The following FRMPD4 variants were observed in gnomAD, a reference collection of about 807,000 sequenced individuals.
FRMPD4 encodes the protein FERM and PDZ domain containing 4.
Under a neutral mutation model 94.1 loss-of-function variants are expected in FRMPD4, and 22 were observed. That is an observed-to-expected ratio of 0.23 (90% CI 0.17 to 0.33). FRMPD4 has a LOEUF of 0.33. FRMPD4 is among the 10% of genes least tolerant of loss of function. The probability of loss-of-function intolerance (pLI) is 1.00; values close to 1 mark genes in which losing one functional copy is unlikely to be tolerated. For missense variants in FRMPD4, 1,111 were observed against 1,339.9 expected, an observed-to-expected ratio of 0.83 and a Z score of 2.67; for synonymous variants, 631 against 548.6, an observed-to-expected ratio of 1.15 and a Z score of -2.10.
At chrX:12,285,967 A>G (rs1008478798) in intron 1 of FRMPD4, among the ~76,000 whole-genome samples, 4 of 112,229 alleles carry the variant, frequency 3.6e-5, no homozygotes, top group African/African-American at 1.3e-4. Flanking sequence ...AGATAAGCAC[A>G]TAGGGAATTT....
intron 1 of FRMPD4, among the ~76,000 whole-genome samples, chrX:12,470,505 T>C (rs184857137): frequency 2.8e-4 from 31 of 112,051 alleles, no homozygotes; most frequent in African/African-American, 9.7e-4. Flanking sequence ...ATTAACTAGA[T>C]AGCTATGATG....
intron 2 of FRMPD4, among the ~76,000 whole-genome samples, chrX:12,587,986 GTTTT>G (rs1321487364): frequency 1.8e-5 from 2 of 111,615 alleles, no homozygotes; most frequent in African/African-American, 6.5e-5. Context: ...AAGATAATTG[GTTTT>G]TTGTTTGTTT....
intron 14 of FRMPD4, 57 bp from the exon 15 acceptor site, chrX:12,716,012 C>CCCCCCCCCAA: frequency 2.8e-6 from 1 of 355,837 alleles, no homozygotes; most frequent in Admixed American, 4.3e-5. Context: ...CCCACCCCCG[C>CCCCCCCCCAA]CCCACCCAAA....
At chrX:12,098,954 C>G (rs1471905763) in intron 3 of FRMPD4, among the ~76,000 whole-genome samples, 1 of 106,533 alleles carries the variant, frequency 9.4e-6, no homozygotes, top group Non-Finnish European at 1.9e-5. Flanking sequence ...GAGGTGAAAG[C>G]TGGGCTGTAT....
In FRMPD4 at chrX:12,560,926, C is replaced by T. The variant is rs982425427; in HGVS notation, c.159-48795C>T. Among the ~76,000 whole-genome samples the T allele has an allele frequency of 3.0e-5, 3 of 98,980 alleles. No individual in the cohort carries two copies. The South Asian group carries it at 1.5e-3, about 51-fold the overall frequency. 86.0% of individuals were successfully genotyped at this position (98,980 alleles called of 115,157 possible). A position where few individuals can be genotyped will look rare whatever the true frequency, so the allele number is the denominator to read the frequency against. On this transcript the variant is annotated intron_variant, in intron 2 of 16. Coordinates refer to ENST00000675598, the MANE Select transcript of FRMPD4 (RefSeq NM_001368397.1). ...CTGGGACTACAGGCGCCCGCCACTACGCCCGGCTAATTTTTTGTATTTTTA... is the reference window on the plus strand; with the variant it reads ...CTGGGACTACAGGCGCCCGCCACTATGCCCGGCTAATTTTTTGTATTTTTA...
At chrX:11,825,913 C>T (rs143501138) in intron 1 of FRMPD4, among the ~76,000 whole-genome samples, 1 of 112,154 alleles carries the variant, frequency 8.9e-6, no homozygotes, top group Non-Finnish European at 1.9e-5. Flanking sequence ...TTTATTGTCA[C>T]CTTTACCTCA....
chrX:12,367,347 C>T (rs1338703552), intron 1 of FRMPD4, among the ~76,000 whole-genome samples: 5 of 112,443 alleles, frequency 4.4e-5, no homozygotes, highest in African/African-American at 1.3e-4. Flanking sequence ...GCACATATAG[C>T]ACTGCAGCAT....
At chrX:11,905,573 T>C (rs1390978540) in intron 3 of FRMPD4, among the ~76,000 whole-genome samples, 1 of 111,823 alleles carries the variant, frequency 8.9e-6, no homozygotes, top group Non-Finnish European at 1.9e-5. Flanking sequence ...GAAACAAGCA[T>C]AGCCTATTAG....
At chrX:11,838,224 A>T (rs1259500512) in intron 1 of FRMPD4, among the ~76,000 whole-genome samples, 1 of 111,354 alleles carries the variant, frequency 9.0e-6, no homozygotes, top group Non-Finnish European at 1.9e-5. Context: ...ATGCAAATCA[A>T]TGAAAAGCAT....
chrX:12,610,352 T>C, intron 3 of FRMPD4, among the ~76,000 whole-genome samples: 1 of 112,676 alleles, frequency 8.9e-6, no homozygotes, highest in African/African-American at 3.2e-5. Context: ...ATCAGGTGAT[T>C]GACAATGGCC....
chrX:12,265,066 C>T (rs2054251002), intron 1 of FRMPD4, among the ~76,000 whole-genome samples: 1 of 111,861 alleles, frequency 8.9e-6, no homozygotes, highest in Non-Finnish European at 1.9e-5. Flanking sequence ...ACAAGAGTTA[C>T]CTGTGTTTCG....
intron 1 of FRMPD4, among the ~76,000 whole-genome samples, chrX:12,267,011 A>G (rs1341102510): frequency 8.9e-6 from 1 of 112,407 alleles, no homozygotes; most frequent in African/African-American, 3.2e-5. Flanking sequence ...TTAGCCTACA[A>G]TTGGTCAAAA....
Position 12,244,011 on chromosome X carries a change from G to C in FRMPD4, c.41+104999G>C, listed in dbSNP as rs186073674. ...GTATCTTGCTATATTGCCCAGTCTG[G>C]TCTTGAACTCCTGGGCTCAAATGAT... On this transcript the variant is annotated intron_variant, in intron 1 of 16. Transcript: ENST00000675598. Among the ~76,000 whole-genome samples, 6 of 109,309 alleles carry C rather than the reference G, an allele frequency of 5.5e-5. No homozygotes were observed. The East Asian group carries it at 1.7e-3, about 31-fold the overall frequency. The allele number at this position is 109,309 out of a possible 115,157, so 94.9% of individuals were successfully genotyped here. A position where few individuals can be genotyped will look rare whatever the true frequency, so the allele number is the denominator to read the frequency against.
chrX:12,257,673 A>G (rs1287432683), intron 1 of FRMPD4, among the ~76,000 whole-genome samples: 2 of 111,732 alleles, frequency 1.8e-5, no homozygotes, highest in African/African-American at 3.3e-5. Flanking sequence ...TTTATTAATT[A>G]TATGGCTTTG....
intron 14 of FRMPD4, among the ~76,000 whole-genome samples, chrX:12,713,049 C>T (rs770979668): frequency 9.2e-6 from 1 of 108,322 alleles, no homozygotes; most frequent in African/African-American, 3.4e-5. Flanking sequence ...GCACTCCAGC[C>T]TCCAGGCTGG....
At chrX:12,433,338 T>C (rs1055656173) in intron 1 of FRMPD4, among the ~76,000 whole-genome samples, 2 of 112,205 alleles carry the variant, frequency 1.8e-5, no homozygotes, top group Admixed American at 9.4e-5. Flanking sequence ...ACAAATGATT[T>C]CCAAGGACCT....
At chrX:12,672,412 C>T (rs2059852957) in intron 4 of FRMPD4, among the ~76,000 whole-genome samples, 1 of 112,287 alleles carries the variant, frequency 8.9e-6, no homozygotes, top group Admixed American at 9.4e-5. Flanking sequence ...AATGTTTCTA[C>T]TGCATCTTCC....
At chrX:12,483,386 A>C (rs924322986) in intron 1 of FRMPD4, among the ~76,000 whole-genome samples, 20 of 111,851 alleles carry the variant, frequency 1.8e-4, no homozygotes, top group Admixed American at 2.8e-4. Flanking sequence ...TGGAGTTCTC[A>C]GTTTTTGCCA....
intron 1 of FRMPD4, among the ~76,000 whole-genome samples, chrX:12,353,612 C>T (rs1023702268): frequency 2.7e-5 from 3 of 112,144 alleles, no homozygotes; most frequent in African/African-American, 9.7e-5. Flanking sequence ...ATTTTGCATT[C>T]GTAATTTTGT....
Sources: allele counts gnomAD v4.1 joint callset (sites outside exome capture counted in the v4.1 genomes callset), GRCh38; gene constraint gnomAD v4.1.1; transcripts MANE v1.5; gene names NCBI Gene and HGNC (gene_info 2026-07-23, HGNC 2026-07-21).